JAKMIP2: variants seen among roughly 807,000 people sequenced by gnomAD.
JAKMIP2 encodes janus kinase and microtubule interacting protein 2, also known as janus kinase and microtubule-interacting protein 2.
In JAKMIP2, 25 loss-of-function variants were observed where a neutral mutation model predicts 115.0. The ratio of observed to expected loss-of-function variants is 0.22; its 90% CI spans 0.16 to 0.30. JAKMIP2 has a LOEUF of 0.30. Ranked by LOEUF, JAKMIP2 falls within the 10% of genes least tolerant of loss-of-function variation. The probability of loss-of-function intolerance (pLI) is 1.00; values close to 1 mark genes in which losing one functional copy is unlikely to be tolerated. For synonymous variants in JAKMIP2, 334 were observed against 343.6 expected (o/e 0.97, Z 0.31); for missense variants, 642 against 957.6 (o/e 0.67, Z 4.35).
At chr5:147,677,240 C>T (rs954712092) in intron 1 of JAKMIP2, among the ~76,000 whole-genome samples, 8 of 152,168 alleles carry the variant, frequency 5.3e-5, no homozygotes, top group African/African-American at 1.2e-4. Context: ...CAGCTCACGA[C>T]GCAAGAACTA....
rs577222333 is a variant in JAKMIP2, at chr5:147,676,700, G to A, written c.-148-4746C>T. ...CTCTGAGGCTGAGTTTCTCTGTAAT[G>A]GTTTCTATCTCTGATAAAGATATTA... On this transcript the variant is annotated intron_variant, in intron 1 of 21. Coordinates refer to ENST00000616793, the MANE Select transcript of JAKMIP2 (RefSeq NM_001270941.2). Among the ~76,000 whole-genome samples the A allele has an allele frequency of 2.0e-5, 3 of 152,248 alleles. No homozygotes were observed. In the South Asian group the frequency reaches 6.2e-4, roughly 32 times the overall value.
At chr5:147,634,675 C>T (rs564935389) in intron 12 of JAKMIP2, among the ~76,000 whole-genome samples, 4 of 152,224 alleles carry the variant, frequency 2.6e-5, no homozygotes, top group South Asian at 4.1e-4. Context: ...CACCAGTTCT[C>T]GATTTTTGAA....
chr5:147,659,606 T>C (rs1342263231), intron 3 of JAKMIP2, among the ~76,000 whole-genome samples: 1 of 152,216 alleles, frequency 6.6e-6, no homozygotes, highest in Non-Finnish European at 1.5e-5. Context: ...GATTTTATAT[T>C]GAAAACCATC....
chr5:147,612,024 T>C, intron 20 of JAKMIP2: 2 of 553,948 alleles, frequency 3.6e-6, no homozygotes, highest in Non-Finnish European at 6.7e-6. Context: ...GAAGAAACTT[T>C]TGGAAAGGAA....
At chr5:147,674,560 GT>G (rs1759822282) in intron 1 of JAKMIP2, among the ~76,000 whole-genome samples, 1 of 152,184 alleles carries the variant, frequency 6.6e-6, no homozygotes, top group Admixed American at 6.5e-5. Flanking sequence ...AGGCTAGGGA[GT>G]TTGGAGTGGA....
rs1462307084 is a variant in JAKMIP2 at position 147,620,657 on chromosome 5, T to C, written c.2142+9A>G. 6.2e-7 allele frequency: 1 copy of C among 1,602,140 alleles called. No homozygotes were observed. ...TACTGCGGGTGTCTCTATCACTTGTTGTACCTACCATATATGCTTGGTCAA... is the reference window on the plus strand; with the variant it reads ...TACTGCGGGTGTCTCTATCACTTGTCGTACCTACCATATATGCTTGGTCAA... On this transcript the variant is annotated intron_variant, in intron 18 of 21. Transcript: ENST00000616793.
At chr5:147,684,145 C>A (rs190462296) in intron 1 of JAKMIP2, among the ~76,000 whole-genome samples, 1 of 152,202 alleles carries the variant, frequency 6.6e-6, no homozygotes, top group Admixed American at 6.5e-5. Flanking sequence ...GTCAACGTAT[C>A]CACATAGGCC....
intron 16 of JAKMIP2, among the ~76,000 whole-genome samples, chr5:147,626,389 C>T (rs149644255): frequency 1.8e-3 from 267 of 152,262 alleles, no homozygotes; most frequent in African/African-American, 6.0e-3. Context: ...GCCTCAGCTC[C>T]GACAGCCCAG....
intron 7 of JAKMIP2, among the ~76,000 whole-genome samples, chr5:147,643,262 G>C (rs552224787): frequency 5.3e-5 from 8 of 152,066 alleles, no homozygotes; most frequent in Non-Finnish European, 8.8e-5. Flanking sequence ...TGAATCATAA[G>C]TAATTATAAA....
intron 1 of JAKMIP2, among the ~76,000 whole-genome samples, chr5:147,679,631 T>C (rs1760155456): frequency 6.6e-6 from 1 of 152,222 alleles, no homozygotes; most frequent in Admixed American, 6.5e-5. Flanking sequence ...TGCCAGGCAA[T>C]GGCATTAACT....
At chr5:147,634,596 G>A (rs971294858) in intron 12 of JAKMIP2, among the ~76,000 whole-genome samples, 2 of 152,150 alleles carry the variant, frequency 1.3e-5, no homozygotes, top group Non-Finnish European at 2.9e-5. Context: ...TTAGATCAGT[G>A]GTTCACAGAC....
In JAKMIP2 at chr5:147,588,487, A is replaced by C. The variant is rs990796162; in HGVS notation, c.*3220T>G. Reference sequence around the variant, plus strand: ...ATTTAAACACGGTCCATTTCCATGGATCCATGAGTGACTGGAACACATATC... The same window carrying C: ...ATTTAAACACGGTCCATTTCCATGGCTCCATGAGTGACTGGAACACATATC... On this transcript the variant is annotated 3_prime_UTR_variant, in exon 22 of 22. Coordinates refer to ENST00000616793, the MANE Select transcript of JAKMIP2 (RefSeq NM_001270941.2). 3.3e-5 allele frequency: 5 copies of C among 151,062 alleles called. No individual in the cohort carries two copies. The highest frequency in any genetic ancestry group is 7.4e-5 in the Non-Finnish European group (5 of 67,904). 9.4% of individuals were successfully genotyped at this position (151,062 alleles called of 1,614,324 possible).
intron 1 of JAKMIP2, among the ~76,000 whole-genome samples, chr5:147,772,915 C>T (rs1304050376): frequency 6.6e-6 from 1 of 152,048 alleles, no homozygotes; most frequent in Non-Finnish European, 1.5e-5. Flanking sequence ...GATGAAAATA[C>T]TCAGCGTACT....
chr5:147,640,106 C>T (rs914262596), intron 9 of JAKMIP2, among the ~76,000 whole-genome samples: 1 of 152,100 alleles, frequency 6.6e-6, no homozygotes, highest in African/African-American at 2.4e-5. Context: ...AAATGATACC[C>T]TAGAATTTTC....
intron 1 of JAKMIP2, among the ~76,000 whole-genome samples, chr5:147,716,034 C>T (rs1752973978): frequency 1.5e-5 from 2 of 135,244 alleles, no homozygotes; most frequent in South Asian, 5.4e-4. Flanking sequence ...GTGATATTCC[C>T]CTTCCTGTGT....
chr5:147,603,561 G>A (rs997120023), intron 20 of JAKMIP2, among the ~76,000 whole-genome samples: 1 of 152,178 alleles, frequency 6.6e-6, no homozygotes, highest in Non-Finnish European at 1.5e-5. Flanking sequence ...CTAGACTTAA[G>A]GGTGAGGAGA....
In JAKMIP2 at chr5:147,623,224, C is replaced by CTTTTTTTTT. The variant is rs199676287; in HGVS notation, c.2064+388_2064+396dup. 1.2e-4 allele frequency among the ~76,000 whole-genome samples: 17 copies of CTTTTTTTTT among 138,736 alleles called. 1 individual carries two copies. In the East Asian group the frequency reaches 3.0e-3, roughly 24 times the overall value. 91.0% of individuals were successfully genotyped at this position (138,736 alleles called of 152,430 possible). ...ACTGCACTAGGTCTTTTGTTCTACT[C>CTTTTTTTTT]TTTTTTTTTTTTTTTGATAAGAGTT... On this transcript the variant is annotated intron_variant, in intron 17 of 21. Transcript: ENST00000616793.
chr5:147,626,834 C>G (rs1406382075), intron 16 of JAKMIP2, among the ~76,000 whole-genome samples: 1 of 152,158 alleles, frequency 6.6e-6, no homozygotes, highest in Admixed American at 6.5e-5. Context: ...GTTTGTAGCC[C>G]TAAACCCAGG....
chr5:147,642,160 T>C (rs887873795), intron 7 of JAKMIP2, among the ~76,000 whole-genome samples: 1 of 152,230 alleles, frequency 6.6e-6, no homozygotes. Flanking sequence ...TAAAACCGTA[T>C]TCTTTTCATT....
Sources: gnomAD v4.1 joint callset for allele counts (sites outside exome capture counted in the v4.1 genomes callset) on GRCh38, gnomAD v4.1.1 for gene constraint, MANE v1.5 for transcripts, NCBI Gene and HGNC (gene_info 2026-07-23, HGNC 2026-07-21) for gene names.